The following ZNF717 variants were observed in gnomAD, a reference collection of about 807,000 sequenced individuals.
ZNF717 encodes the protein zinc finger protein 717, also known as krueppel-like factor X17.
ZNF717 carries 9 observed loss-of-function variants against 13.8 expected under a neutral mutation model. The observed-to-expected ratio is 0.65, with a 90% CI of 0.39 to 1.14. The LOEUF (loss-of-function observed/expected upper bound fraction) is 1.14. ZNF717 is among the 50% of genes most tolerant of loss of function. The pLI, the probability that ZNF717 is intolerant of heterozygous loss-of-function variation, is 0.01. For synonymous variants in ZNF717, 327 were observed against 364.1 expected (o/e 0.90, Z 1.16); for missense variants, 1,040 against 1,080.7 (o/e 0.96, Z 0.53).
At chr3:75,733,945 T>C (rs1938842463), downstream of ZNF717, among the ~76,000 whole-genome samples, 1 of 151,008 alleles carries the variant, frequency 6.6e-6, no homozygotes, top group East Asian at 1.9e-4. Context: ...AAATAAAACA[T>C]TCCCTGGACA....
At chr3:75,734,947 T>C (rs1430059710), downstream of ZNF717, among the ~76,000 whole-genome samples, 2 of 151,352 alleles carry the variant, frequency 1.3e-5, no homozygotes, top group Admixed American at 1.3e-4. Flanking sequence ...TGTCCAAGCC[T>C]CCCGAGTAGC....
At position 75,740,570 on chromosome 3, in the gene ZNF717, A is replaced by ATTT. The variant is rs63657763; in HGVS notation, c.277+703_277+705dup. Reference sequence around the variant, plus strand: ...CAAACCCTTGTCACCGTACTCAGCTATTTTTTTTTTTTTTTTTTGTAGGTG... The same window carrying ATTT: ...CAAACCCTTGTCACCGTACTCAGCTATTTTTTTTTTTTTTTTTTTTTGTAGGTG... On this transcript the variant is annotated intron_variant, in intron 4 of 4. Transcript: ENST00000652011. Among the ~76,000 whole-genome samples the ATTT allele has an allele frequency of 1.4e-3, 175 of 125,034 alleles. 2 individuals carry two copies. Among genetic ancestry groups the ATTT allele is most frequent in the African/African-American group, 4.7e-3 (161 of 34,378 alleles). 82.0% of individuals were successfully genotyped at this position (125,034 alleles called of 152,430 possible).
At chr3:75,774,249 A>G (rs1375760518) in intron 2 of ZNF717, among the ~76,000 whole-genome samples, 48 of 151,870 alleles carry the variant, frequency 3.2e-4, no homozygotes, top group Non-Finnish European at 1.6e-4. Context: ...TCTTCCCTCT[A>G]TCAATGAGTA....
intron 2 of ZNF717, among the ~76,000 whole-genome samples, chr3:75,771,560 G>T (rs113379491): frequency 7.3e-6 from 1 of 137,838 alleles, no homozygotes; most frequent in Non-Finnish European, 1.6e-5. Flanking sequence ...ATGACCCCCA[G>T]GAGTGCTGAG....
At chr3:75,763,368 G>A (rs1943183136) in intron 2 of ZNF717, among the ~76,000 whole-genome samples, 1 of 152,216 alleles carries the variant, frequency 6.6e-6, no homozygotes, top group African/African-American at 2.4e-5. Flanking sequence ...CTGAGTCTGA[G>A]ATGCTCCAAT....
At chr3:75,751,463 C>A (rs1575834725) in intron 2 of ZNF717, among the ~76,000 whole-genome samples, 1 of 151,436 alleles carries the variant, frequency 6.6e-6, no homozygotes. Flanking sequence ...AATGTTTGTC[C>A]CTCACATAGG....
Position 75,738,305 on chromosome 3 carries a change from C to T in ZNF717, c.1318G>A (p.Val440Ile), listed in dbSNP as rs1237645367. 5.2e-6 allele frequency: 8 copies of T among 1,546,940 alleles called. No individual in the cohort carries two copies. In the East Asian group the frequency reaches 1.7e-4, roughly 33 times the overall value. ...EAFSHKSRLTVHQRTHTGEKP... is the reference protein window; with the variant it reads ...EAFSHKSRLTIHQRTHTGEKP... ...TCCCCTGTGTGTGTTCTCTGATGGACAGTAAGCCTTGACTTATGGCTAAAT... is the reference window on the plus strand; with the variant it reads ...TCCCCTGTGTGTGTTCTCTGATGGATAGTAAGCCTTGACTTATGGCTAAAT... Residue 440 changes from valine (V) to isoleucine (I), a missense_variant, in exon 5 of 5, where the codon GTC becomes ATC. Coordinates refer to ENST00000652011, the MANE Select transcript of ZNF717 (RefSeq NM_001290208.3).
In ZNF717 at chr3:75,738,439, T is replaced by C. The variant is rs1368215722; in HGVS notation, c.1184A>G (p.Tyr395Cys). ...HHRTHSGEKPYQCSECGKTFS... is the reference protein window; with the variant it reads ...HHRTHSGEKPCQCSECGKTFS... ...GGTTTTTCCACATTCACTACACTGA[T>C]AGGGCTTTTCCCCTGAGTGAGTTCT... The change falls in exon 5 of 5, where the codon TAT (tyrosine) becomes TGT (cysteine). Residue 395 changes from tyrosine to cysteine, a missense_variant. Transcript: ENST00000652011. 1.8e-4 allele frequency: 278 copies of C among 1,531,918 alleles called. No homozygotes were observed. In the African/African-American group the frequency reaches 3.2e-3, roughly 18 times the overall value. The allele number at this position is 1,531,918 out of a possible 1,614,324, so 94.9% of individuals were successfully genotyped here.
At chr3:75,745,947 G>A (rs372830891) in intron 2 of ZNF717, among the ~76,000 whole-genome samples, 4 of 151,640 alleles carry the variant, frequency 2.6e-5, no homozygotes, top group East Asian at 1.9e-4. Context: ...ATATGTATAC[G>A]TGTGCCATGT....
chr3:75,771,489 G>C (rs149199865), intron 2 of ZNF717, among the ~76,000 whole-genome samples: 1,905 of 152,322 alleles, frequency 0.013, 17 homozygotes, highest in Non-Finnish European at 0.019. Context: ...GGATCTGCCA[G>C]AGCAGGACTG....
chr3:75,723,053 T>C (rs1938199324), intron 4 of ZNF717, among the ~76,000 whole-genome samples: 1 of 152,124 alleles, frequency 6.6e-6, no homozygotes, highest in Non-Finnish European at 1.5e-5. Flanking sequence ...ATGCAGATGT[T>C]CCAAATATTG....
intron 4 of ZNF717, 78 bp downstream of exon 4, chr3:75,741,198 G>A (rs1940380168): frequency 1.4e-5 from 12 of 858,126 alleles, no homozygotes; most frequent in South Asian, 1.0e-4. Flanking sequence ...GAAAAAAGTG[G>A]TGAAAACAAG....
At chr3:75,777,429 G>T (rs6764237) in intron 2 of ZNF717, among the ~76,000 whole-genome samples, 98 of 151,974 alleles carry the variant, frequency 6.4e-4, no homozygotes, top group Non-Finnish European at 1.3e-3. Context: ...AAAACAATGG[G>T]AGTGACCTAC....
At chr3:75,757,972 T>A (rs1575878859) in intron 2 of ZNF717, among the ~76,000 whole-genome samples, 1 of 148,498 alleles carries the variant, frequency 6.7e-6, no homozygotes, top group African/African-American at 2.5e-5. Context: ...AAAAAATTTA[T>A]CTGAGCCTGG....
At chr3:75,733,601 AC>A (rs1334257745), downstream of ZNF717, among the ~76,000 whole-genome samples, 1 of 68,932 alleles carries the variant, frequency 1.5e-5, no homozygotes, top group Non-Finnish European at 2.8e-5. Context: ...ACACGGTGAA[AC>A]CCCATCTCCA....
intron 6 of ZNF717, among the ~76,000 whole-genome samples, chr3:75,699,304 A>G: frequency 6.6e-6 from 1 of 152,308 alleles, no homozygotes; most frequent in Non-Finnish European, 1.5e-5. Flanking sequence ...TCATGATTGT[A>G]TTTTGAAATA....
chr3:75,711,225 C>CA (rs1937930530), exon 6 of ZNF717: 1 of 152,146 alleles, frequency 6.6e-6, no homozygotes, highest in South Asian at 2.1e-4. Context: ...AGTAGGGAGA[C>CA]AAAATGAATG....
intron 4 of ZNF717, among the ~76,000 whole-genome samples, chr3:75,724,542 T>C (rs1177839853): frequency 6.6e-6 from 1 of 152,204 alleles, no homozygotes; most frequent in Non-Finnish European, 1.5e-5. Flanking sequence ...TTTTAAGTAA[T>C]AAGTGCTCTA....
At chr3:75,780,171 A>G (rs1205643289) in intron 2 of ZNF717, among the ~76,000 whole-genome samples, 1 of 151,392 alleles carries the variant, frequency 6.6e-6, no homozygotes, top group Non-Finnish European at 1.5e-5. Flanking sequence ...CTGACGTGCT[A>G]AAACTGGAAC....
Sources: gnomAD v4.1 joint callset for allele counts (sites outside exome capture counted in the v4.1 genomes callset) on GRCh38, gnomAD v4.1.1 for gene constraint, MANE v1.5 for transcripts, NCBI Gene and HGNC (gene_info 2026-07-23, HGNC 2026-07-21) for gene names.